Variants in PAK5 observed in about 807,000 individuals in gnomAD.
PAK5 encodes serine/threonine-protein kinase PAK 5.
Under a neutral mutation model 65.9 loss-of-function variants are expected in PAK5, and 16 were observed. That is an observed-to-expected ratio of 0.24 (90% CI 0.16 to 0.37). The LOEUF (loss-of-function observed/expected upper bound fraction) is 0.37. Among genes scored for constraint, PAK5 ranks in the 10% least tolerant of loss-of-function variants. PAK5 has a pLI of 1.00. For synonymous variants in PAK5, 371 were observed against 354.9 expected (o/e 1.05, Z -0.51); for missense variants, 785 against 903.9 (o/e 0.87, Z 1.69).
intron 1 of PAK5, among the ~76,000 whole-genome samples, chr20:9,813,925 T>G (rs1162215602): frequency 6.6e-6 from 1 of 152,206 alleles, no homozygotes; most frequent in African/African-American, 2.4e-5. Flanking sequence ...TGTGTATATG[T>G]TAACCTTCAA....
intron 1 of PAK5, among the ~76,000 whole-genome samples, chr20:9,788,915 T>G (rs2049021237): frequency 6.6e-6 from 1 of 152,130 alleles, no homozygotes; most frequent in South Asian, 2.1e-4. Context: ...GTCTTAGAGC[T>G]TTCAACAACC....
intron 1 of PAK5, among the ~76,000 whole-genome samples, chr20:9,833,711 T>C (rs142486730): frequency 1.2e-3 from 188 of 152,310 alleles, no homozygotes; most frequent in African/African-American, 2.3e-3. Flanking sequence ...AATCCCAATG[T>C]AATAAAACTA....
At position 9,628,197 on chromosome 20, in the gene PAK5, T is replaced by C. The variant is rs145620072; in HGVS notation, c.204+15928A>G. The stretch of plus-strand genomic sequence containing the variant: ...ATGTATTAAGCTATTCAATCCTTAC[T>C]CCAGCCCTATGAGGTAGTACTGTTA... On this transcript the variant is annotated intron_variant, in intron 3 of 9. Coordinates refer to ENST00000353224, the MANE Select transcript of PAK5 (RefSeq NM_177990.4). Among the ~76,000 whole-genome samples the C allele has an allele frequency of 3.2e-4, 48 of 152,320 alleles. No homozygotes were observed. The East Asian group carries it at 7.5e-3, about 24-fold the overall frequency.
chr20:9,787,537 G>A (rs1374624571), intron 1 of PAK5, among the ~76,000 whole-genome samples: 4 of 151,874 alleles, frequency 2.6e-5, no homozygotes, highest in African/African-American at 9.7e-5. Flanking sequence ...GTGGTCTCTT[G>A]GGTAAGTTAA....
At chr20:9,555,632 A>G (rs2045494579) in intron 7 of PAK5, among the ~76,000 whole-genome samples, 1 of 152,192 alleles carries the variant, frequency 6.6e-6, no homozygotes, top group Non-Finnish European at 1.5e-5. Context: ...CATATGGAAG[A>G]TTAAGAAAAA....
At chr20:9,694,388 T>C (rs1453969547) in intron 2 of PAK5, among the ~76,000 whole-genome samples, 1 of 151,748 alleles carries the variant, frequency 6.6e-6, no homozygotes, top group African/African-American at 2.4e-5. Flanking sequence ...GGTCATGGGG[T>C]ATGACTTTGT....
chr20:9,794,968 C>T (rs2049089580), intron 1 of PAK5, among the ~76,000 whole-genome samples: 1 of 151,962 alleles, frequency 6.6e-6, no homozygotes, highest in Non-Finnish European at 1.5e-5. Context: ...ATCCCCTAGG[C>T]CTCCTCTCAA....
At chr20:9,630,207 G>A (rs762871263) in intron 3 of PAK5, among the ~76,000 whole-genome samples, 3 of 152,152 alleles carry the variant, frequency 2.0e-5, no homozygotes, top group Admixed American at 6.5e-5. Context: ...TCTCTGGATG[G>A]CACAGATGCT....
At chr20:9,716,327 T>C (rs887225692) in intron 1 of PAK5, among the ~76,000 whole-genome samples, 4 of 152,210 alleles carry the variant, frequency 2.6e-5, no homozygotes, top group Non-Finnish European at 4.4e-5. Context: ...ATGTAATTTC[T>C]TTTCTGCATC....
chr20:9,722,612 C>CAAAT (rs778249582), intron 1 of PAK5, among the ~76,000 whole-genome samples: 5 of 151,828 alleles, frequency 3.3e-5, no homozygotes, highest in Admixed American at 6.6e-5. Flanking sequence ...GACTCCGTCT[C>CAAAT]AAATAAATAA....
intron 3 of PAK5, among the ~76,000 whole-genome samples, chr20:9,634,195 G>C (rs766447184): frequency 1.4e-4 from 22 of 152,142 alleles, no homozygotes; most frequent in Admixed American, 5.2e-4. Context: ...ATTCTCTGCT[G>C]GTTCCAGGGA....
chr20:9,643,354 T>A (rs112926310), intron 3 of PAK5, among the ~76,000 whole-genome samples: 440 of 152,336 alleles, frequency 2.9e-3, no homozygotes, highest in African/African-American at 9.8e-3. Flanking sequence ...AAAACTGCAA[T>A]CCCTGGATTT....
At chr20:9,789,824 T>C (rs1390171477) in intron 1 of PAK5, among the ~76,000 whole-genome samples, 1 of 152,132 alleles carries the variant, frequency 6.6e-6, no homozygotes, top group African/African-American at 2.4e-5. Flanking sequence ...TCACTCTTGA[T>C]CACCATATGG....
intron 2 of PAK5, among the ~76,000 whole-genome samples, chr20:9,678,283 C>T (rs974545423): frequency 1.3e-5 from 2 of 152,094 alleles, no homozygotes; most frequent in African/African-American, 2.4e-5. Flanking sequence ...AAGACATACC[C>T]GAGGCCAGGC....
chr20:9,597,307 G>T (rs1026947257), intron 3 of PAK5, among the ~76,000 whole-genome samples: 1 of 152,228 alleles, frequency 6.6e-6, no homozygotes. Flanking sequence ...AAAGTGCAAA[G>T]CAGCTGGCTT....
intron 2 of PAK5, among the ~76,000 whole-genome samples, chr20:9,660,848 A>G (rs565535303): frequency 1.4e-4 from 22 of 152,266 alleles, no homozygotes; most frequent in African/African-American, 4.1e-4. Flanking sequence ...ACAGAGGGAC[A>G]TGAGACAGAG....
chr20:9,694,881 T>C (rs1321212135), intron 2 of PAK5, among the ~76,000 whole-genome samples: 1 of 152,032 alleles, frequency 6.6e-6, no homozygotes, highest in African/African-American at 2.4e-5. Flanking sequence ...TTTGGTGACA[T>C]GTATGATGCA....
At chr20:9,766,723 T>C (rs1301111314) in intron 1 of PAK5, among the ~76,000 whole-genome samples, 1 of 151,680 alleles carries the variant, frequency 6.6e-6, no homozygotes, top group African/African-American at 2.4e-5. Context: ...TAATCTAAGA[T>C]GTTAGAAACT....
At chr20:9,718,801 C>T (rs2048181049) in intron 1 of PAK5, among the ~76,000 whole-genome samples, 1 of 152,134 alleles carries the variant, frequency 6.6e-6, no homozygotes, top group Non-Finnish European at 1.5e-5. Context: ...TTTGTGTATA[C>T]TTTATAACAC....
Sources: gnomAD v4.1 joint callset for allele counts (sites outside exome capture counted in the v4.1 genomes callset) on GRCh38, gnomAD v4.1.1 for gene constraint, MANE v1.5 for transcripts, NCBI Gene and HGNC (gene_info 2026-07-23, HGNC 2026-07-21) for gene names.